Variants in UNC5D observed in about 807,000 individuals in gnomAD.
The protein encoded by UNC5D is unc-5 netrin receptor D.
Under a neutral mutation model 105.4 loss-of-function variants are expected in UNC5D, and 39 were observed. The observed-to-expected ratio is 0.37, with a 90% CI of 0.29 to 0.48. The LOEUF is 0.48. Ranked by LOEUF, UNC5D falls within the 20% of genes least tolerant of loss-of-function variation. The pLI, the probability that UNC5D is intolerant of heterozygous loss-of-function variation, is 0.98. For missense variants in UNC5D, 991 were observed against 1,202.4 expected (o/e 0.82, Z 2.60); for synonymous variants, 452 against 450.4 (o/e 1.00, Z -0.04).
At chr8:35,436,969 A>G (rs1807058758) in intron 1 of UNC5D, among the ~76,000 whole-genome samples, 1 of 152,036 alleles carries the variant, frequency 6.6e-6, no homozygotes, top group African/African-American at 2.4e-5. Flanking sequence ...TCAATTTATT[A>G]CTGTCATTTA....
At chr8:35,700,492 AAGTT>A (rs60302337) in intron 7 of UNC5D, among the ~76,000 whole-genome samples, 1 of 152,160 alleles carries the variant, frequency 6.6e-6, no homozygotes, top group South Asian at 2.1e-4. Context: ...TAGTGACTAT[AAGTT>A]AGTTAGACAA....
chr8:35,314,982 G>A lies in UNC5D; in HGVS notation c.103+79095G>A, dbSNP rs150231092. Among the ~76,000 whole-genome samples, 50 of 152,208 alleles carry A rather than the reference G, an allele frequency of 3.3e-4. 1 individual carries two copies. Among genetic ancestry groups the A allele is most frequent in the East Asian group, 1.2e-3 (6 of 5,166 alleles). On this transcript the variant is annotated intron_variant, in intron 1 of 16. Coordinates refer to ENST00000404895, the MANE Select transcript of UNC5D (RefSeq NM_080872.4). ...AAGAGAATTAGGAGTTTATCAGGTCGGTGAGAGTAAGGACAGCAGTATTCC... is the reference window on the plus strand; with the variant it reads ...AAGAGAATTAGGAGTTTATCAGGTCAGTGAGAGTAAGGACAGCAGTATTCC...
intron 3 of UNC5D, among the ~76,000 whole-genome samples, chr8:35,570,560 G>T (rs969307705): frequency 8.5e-5 from 13 of 152,064 alleles, no homozygotes; most frequent in Non-Finnish European, 1.5e-4. Context: ...TAGTAACCTA[G>T]TAATTTTTCT....
intron 1 of UNC5D, among the ~76,000 whole-genome samples, chr8:35,314,847 G>A (rs1036256471): frequency 1.3e-5 from 2 of 152,146 alleles, no homozygotes; most frequent in Admixed American, 6.6e-5. Flanking sequence ...GTACAACATG[G>A]AAACACTACA....
rs575465034 is a variant in UNC5D, at chr8:35,559,054, C to T, written c.323-9044C>T. Among the ~76,000 whole-genome samples the T allele has an allele frequency of 2.0e-5, 3 of 152,104 alleles. No homozygotes were observed. The East Asian group carries it at 5.8e-4, about 29-fold the overall frequency. Reference sequence around the variant, plus strand: ...TTTGTTTCTCTCCCAGAGAACTGACCAAGGCCCAGCATTACTCATGAAGTT... The same window carrying T: ...TTTGTTTCTCTCCCAGAGAACTGACTAAGGCCCAGCATTACTCATGAAGTT... On this transcript the variant is annotated intron_variant, in intron 2 of 16. Coordinates refer to ENST00000404895, the MANE Select transcript of UNC5D (RefSeq NM_080872.4).
chr8:35,496,702 T>G (rs1257939057), intron 1 of UNC5D, among the ~76,000 whole-genome samples: 1 of 152,156 alleles, frequency 6.6e-6, no homozygotes, highest in Non-Finnish European at 1.5e-5. Context: ...AGTATATTTT[T>G]AGAACTGTAC....
chr8:35,484,329 C>A (rs1810689247), intron 1 of UNC5D, among the ~76,000 whole-genome samples: 1 of 152,196 alleles, frequency 6.6e-6, no homozygotes, highest in African/African-American at 2.4e-5. Flanking sequence ...CTGGGGCCAG[C>A]TGGGCAGCTA....
intron 1 of UNC5D, among the ~76,000 whole-genome samples, chr8:35,316,705 C>T (rs891728894): frequency 1.3e-5 from 2 of 152,030 alleles, no homozygotes; most frequent in African/African-American, 2.4e-5. Flanking sequence ...CAGATTAAAT[C>T]GGGAGTATAA....
chr8:35,420,067 T>C (rs1196522084), intron 1 of UNC5D, among the ~76,000 whole-genome samples: 1 of 151,888 alleles, frequency 6.6e-6, no homozygotes, highest in Non-Finnish European at 1.5e-5. Flanking sequence ...TAAAAGGCAA[T>C]CAAAAATCAA....
chr8:35,742,569 T>A (rs922074193), intron 11 of UNC5D, among the ~76,000 whole-genome samples: 1 of 152,092 alleles, frequency 6.6e-6, no homozygotes, highest in Non-Finnish European at 1.5e-5. Context: ...ATCTAGAATA[T>A]AGACCACAAG....
intron 1 of UNC5D, among the ~76,000 whole-genome samples, chr8:35,425,913 G>T (rs1806219061): frequency 6.6e-6 from 1 of 152,118 alleles, no homozygotes; most frequent in Non-Finnish European, 1.5e-5. Context: ...AGGGTCAGAA[G>T]AAACCTAAAA....
Position 35,679,108 on chromosome 8 carries a change from C to T in UNC5D, c.571-4439C>T, listed in dbSNP as rs182996993. Among the ~76,000 whole-genome samples the T allele has an allele frequency of 4.4e-3, 665 of 151,996 alleles. 2 individuals are homozygous for T. The highest frequency in any genetic ancestry group is 7.2e-3 in the Admixed American group (109 of 15,244). ...TACAAAAAATAAAAATAAAAATAAC[C>T]TGGTGTGGTGACATACCTGTAGTCC... On this transcript the variant is annotated intron_variant, in intron 4 of 16. Transcript: ENST00000404895.
rs796124727 is a variant in UNC5D, at chr8:35,760,040, CTTTT to C, written c.2313+585_2313+588del. 2.3e-5 allele frequency among the ~76,000 whole-genome samples: 3 copies of C among 132,944 alleles called. No individual in the cohort carries two copies. The Admixed American group carries it at 2.3e-4, about 10-fold the overall frequency. The allele number at this position is 132,944 out of a possible 152,430, so 87.2% of individuals were successfully genotyped here. Reference sequence around the variant, plus strand: ...AGAAAGAACATGGCTTTTACTTTTTCTTTTTTTTTTTTTTTTTAAGATGGAGTCT... The same window carrying C: ...AGAAAGAACATGGCTTTTACTTTTTCTTTTTTTTTTTTTAAGATGGAGTCT... On this transcript the variant is annotated intron_variant, in intron 14 of 16. Coordinates refer to ENST00000404895, the MANE Select transcript of UNC5D (RefSeq NM_080872.4).
intron 3 of UNC5D, among the ~76,000 whole-genome samples, chr8:35,573,141 G>T (rs906159814): frequency 6.6e-6 from 1 of 152,308 alleles, no homozygotes; most frequent in Middle Eastern, 3.4e-3. Context: ...GATACCTACA[G>T]ATGCTGCCAG....
intron 1 of UNC5D, among the ~76,000 whole-genome samples, chr8:35,500,629 C>T (rs940779034): frequency 5.3e-5 from 8 of 152,146 alleles, no homozygotes; most frequent in South Asian, 2.1e-4. Context: ...TTATGCTACT[C>T]GTCACATTAT....
intron 9 of UNC5D, among the ~76,000 whole-genome samples, chr8:35,725,317 C>A (rs945694385): frequency 1.3e-5 from 2 of 152,026 alleles, no homozygotes; most frequent in East Asian, 1.9e-4. Flanking sequence ...TACTTCATCA[C>A]AAGAAAATAT....
At chr8:35,546,451 G>A (rs7841785) in intron 1 of UNC5D, among the ~76,000 whole-genome samples, 30,668 of 152,094 alleles carry the variant, frequency 0.2, 4,429 homozygotes, top group African/African-American at 0.39. Flanking sequence ...ATACATAGAC[G>A]TATTCATGCG....
intron 1 of UNC5D, among the ~76,000 whole-genome samples, chr8:35,495,931 G>A (rs940274881): frequency 1.3e-5 from 2 of 152,100 alleles, no homozygotes; most frequent in Admixed American, 6.5e-5. Flanking sequence ...GAAAAAAGGG[G>A]CCAAAAGATA....
chr8:35,413,492 A>G (rs113162529), intron 1 of UNC5D, among the ~76,000 whole-genome samples: 4 of 150,106 alleles, frequency 2.7e-5, no homozygotes, highest in African/African-American at 9.8e-5. Flanking sequence ...GGCATTCTGC[A>G]TGTAAAAATA....
Sources: gnomAD v4.1 joint callset for allele counts (sites outside exome capture counted in the v4.1 genomes callset) on GRCh38, gnomAD v4.1.1 for gene constraint, MANE v1.5 for transcripts, NCBI Gene and HGNC (gene_info 2026-07-23, HGNC 2026-07-21) for gene names.